Variants in CYP51A1 observed in about 807,000 individuals in gnomAD.
CYP51A1 encodes lanosterol 14-alpha demethylase.
In CYP51A1, 45 loss-of-function variants were observed where a neutral mutation model predicts 53.5. The observed-to-expected ratio is 0.84, with a 90% CI of 0.66 to 1.08. The LOEUF (loss-of-function observed/expected upper bound fraction) is 1.08, where lower values mean the gene tolerates loss of function less well. Among genes scored for constraint, CYP51A1 ranks in the 50% least tolerant of loss-of-function variants. The pLI is 0.00. For missense variants in CYP51A1, 462 were observed against 621.7 expected, an observed-to-expected ratio of 0.74 and a Z score of 2.73; for synonymous variants, 181 against 217.7, an observed-to-expected ratio of 0.83 and a Z score of 1.48.
Position 92,129,003 on chromosome 7 carries a change from C to A in CYP51A1, c.345G>T (p.Leu115=). ...AAAGCAGTGCAGCAGCATCACTCCC[C>A]AGAAGGTAAGTAAATGTCTTGCCTA... ...TMVGKTFTYL[L]GSDAAALLFN... Residue 115 remains leucine (L), a synonymous_variant, in exon 3 of 10, where the codon CTG becomes CTT. Coordinates refer to ENST00000003100, the MANE Select transcript of CYP51A1 (RefSeq NM_000786.4). The A allele has an allele frequency of 6.2e-7, 1 of 1,613,820 alleles. No individual in the cohort carries two copies. The highest frequency in any genetic ancestry group is 8.5e-7 in the Non-Finnish European group (1 of 1,179,882).
chr7:92,130,435 G>A (rs1819894367), intron 2 of CYP51A1, among the ~76,000 whole-genome samples: 1 of 152,164 alleles, frequency 6.6e-6, no homozygotes. Context: ...TCAGAAATCA[G>A]ACCATGTGTA....
chr7:92,124,551 C>T (rs1819756658), intron 5 of CYP51A1, among the ~76,000 whole-genome samples: 1 of 152,172 alleles, frequency 6.6e-6, no homozygotes, highest in South Asian at 2.1e-4. Context: ...CCCAAGCCCC[C>T]TCTTAAATCA....
chr7:92,129,098 T>A lies in CYP51A1; in HGVS notation c.292-42A>T, dbSNP rs772081969. On this transcript the variant is annotated intron_variant, in intron 2 of 9. Coordinates refer to ENST00000003100, the MANE Select transcript of CYP51A1 (RefSeq NM_000786.4). ...ACATATAGTGATGTTACAAAAAATA[T>A]GCAACACTACGACAGTAACTTTTTA... The A allele has an allele frequency of 2.6e-5, 35 of 1,347,848 alleles. No homozygotes were observed. The Middle Eastern group carries it at 7.4e-4, about 29-fold the overall frequency. 83.5% of individuals were successfully genotyped at this position (1,347,848 alleles called of 1,614,324 possible). A position where few individuals can be genotyped will look rare whatever the true frequency, so the allele number is the denominator to read the frequency against.
chr7:92,127,687 T>C (rs1819829061), intron 3 of CYP51A1, 56 bp from the exon 4 acceptor site: 1 of 1,561,860 alleles, frequency 6.4e-7, no homozygotes. Flanking sequence ...TGTTTTATCA[T>C]AAAATCCATT....
chr7:92,123,213 GA>G lies in CYP51A1; in HGVS notation c.992del (p.Phe331SerfsTer15), dbSNP rs1412594792. 3.1e-6 allele frequency: 5 copies of G among 1,614,036 alleles called. No individual in the cohort carries two copies. Among genetic ancestry groups the G allele is most frequent in the Non-Finnish European group, 4.2e-6 (5 of 1,179,960 alleles). On this transcript the variant is annotated frameshift_variant, in exon 7 of 10. Coordinates refer to ENST00000003100, the MANE Select transcript of CYP51A1 (RefSeq NM_000786.4). LOFTEE classifies it high-confidence loss of function. ...GAAGTGTTTTGTCTCTGGCCAAAAAGAAGCCCATCCAAGCACTAGTAGTTGA... is the reference window on the plus strand; with the variant it reads ...GAAGTGTTTTGTCTCTGGCCAAAAAGAGCCCATCCAAGCACTAGTAGTTGA... Reference protein sequence around the residue: ...TSSTTSAWMGFFLARDKTLQK... With the variant: ...TSSTTSAWMGXFLARDKTLQK...
At chr7:92,128,468 G>A (rs1423724436) in intron 3 of CYP51A1, among the ~76,000 whole-genome samples, 1 of 151,378 alleles carries the variant, frequency 6.6e-6, no homozygotes, top group Non-Finnish European at 1.5e-5. Flanking sequence ...GCGTGCGTGT[G>A]TGTGTGTGTG....
At chr7:92,132,148 G>A (rs1271135166) in intron 1 of CYP51A1, among the ~76,000 whole-genome samples, 1 of 152,160 alleles carries the variant, frequency 6.6e-6, no homozygotes, top group Non-Finnish European at 1.5e-5. Flanking sequence ...GATGGACACT[G>A]TCCAGAATAT....
rs1819510152 is a variant in CYP51A1 at position 92,113,476 on chromosome 7, A to G, written c.*189T>C. Reference sequence around the variant, plus strand: ...TGTATAAGTATCATAACTATTAGAAAATGTTTCAAATGCTATTATATTTGA... The same window carrying G: ...TGTATAAGTATCATAACTATTAGAAGATGTTTCAAATGCTATTATATTTGA... On this transcript the variant is annotated 3_prime_UTR_variant, in exon 10 of 10. Coordinates refer to ENST00000003100, the MANE Select transcript of CYP51A1 (RefSeq NM_000786.4). The G allele has an allele frequency of 1.8e-6, 1 of 548,796 alleles. No homozygotes were observed. The highest frequency in any genetic ancestry group is 3.1e-6 in the Non-Finnish European group (1 of 319,150). The allele number at this position is 548,796 out of a possible 1,614,324, so 34.0% of individuals were successfully genotyped here.
chr7:92,127,258 G>A (rs1819818787), intron 4 of CYP51A1, among the ~76,000 whole-genome samples: 1 of 152,142 alleles, frequency 6.6e-6, no homozygotes, highest in Non-Finnish European at 1.5e-5. Flanking sequence ...CTGCCCTGTG[G>A]GCAGATGTTG....
rs761876372 is a variant in CYP51A1 at position 92,123,176 on chromosome 7, A to G, written c.1030T>C (p.Tyr344His). Reference protein sequence around the residue: ...ARDKTLQKKCYLEQKTVCGEN... With the variant: ...ARDKTLQKKCHLEQKTVCGEN... Reference sequence around the variant, plus strand: ...CCACAGACTGTTTTCTGTTCTAAATAACATTTTTTTTGAAGTGTTTTGTCT... The same window carrying G: ...CCACAGACTGTTTTCTGTTCTAAATGACATTTTTTTTGAAGTGTTTTGTCT... The change falls in exon 7 of 10, where the codon TAT becomes CAT. Residue 344 changes from tyrosine to histidine, a missense_variant. Transcript: ENST00000003100. 7 of 1,613,842 alleles carry G rather than the reference A, an allele frequency of 4.3e-6. No homozygotes were observed. The African/African-American group carries it at 8.0e-5, about 18-fold the overall frequency.
chr7:92,131,953 T>C, intron 1 of CYP51A1, 81 bp from the exon 2 acceptor site: 1 of 835,190 alleles, frequency 1.2e-6, no homozygotes. Context: ...ACCAAACAAT[T>C]AAACAAAATA....
At chr7:92,121,495 A>G (rs1309015059) in intron 7 of CYP51A1, among the ~76,000 whole-genome samples, 1 of 152,170 alleles carries the variant, frequency 6.6e-6, no homozygotes, top group Non-Finnish European at 1.5e-5. Flanking sequence ...TTGAAAACAC[A>G]TGTCCACATA....
intron 1 of CYP51A1, among the ~76,000 whole-genome samples, chr7:92,132,404 A>G (rs188064251): frequency 2.1e-4 from 32 of 152,334 alleles, no homozygotes; most frequent in Admixed American, 2.1e-3. Flanking sequence ...AATACAATGT[A>G]AAGGCTATAT....
rs139239552 is a variant in CYP51A1, at chr7:92,127,589, T to C, written c.511A>G (p.Ile171Val). The change falls in exon 4 of 10, where the codon ATA becomes GTA. Residue 171 changes from isoleucine (I) to valine (V), a missense_variant. Ile to Val is a conservative substitution (Grantham distance 29). Coordinates refer to ENST00000003100, the MANE Select transcript of CYP51A1 (RefSeq NM_000786.4). Reference protein sequence around the residue: ...QKKMLKSGLNIAHFKQHVSII... With the variant: ...QKKMLKSGLNVAHFKQHVSII... The stretch of plus-strand genomic sequence containing the variant: ...GAAACATGCTGTTTAAAGTGGGCTA[T>C]GTTAAGGCCACTTTTTAACATTTTC... 1.5e-5 allele frequency: 25 copies of C among 1,613,398 alleles called. No individual in the cohort carries two copies. The highest frequency in any genetic ancestry group is 2.1e-5 in the Non-Finnish European group (25 of 1,179,646).
intron 2 of CYP51A1, among the ~76,000 whole-genome samples, chr7:92,131,554 G>A (rs1010968146): frequency 6.6e-6 from 1 of 152,156 alleles, no homozygotes; most frequent in Admixed American, 6.5e-5. Context: ...TTTCCTCAAT[G>A]GTGTCTCAAA....
chr7:92,132,059 A>G, intron 1 of CYP51A1, 187 bp from the exon 2 acceptor site: 1 of 452,824 alleles, frequency 2.2e-6, no homozygotes, highest in South Asian at 2.2e-5. Context: ...GAGAGTAGCT[A>G]TTGTAGAAAA....
intron 2 of CYP51A1, among the ~76,000 whole-genome samples, chr7:92,129,623 C>A (rs557277613): frequency 2.0e-5 from 3 of 152,176 alleles, no homozygotes; most frequent in Non-Finnish European, 2.9e-5. Context: ...CTTTCCCTTG[C>A]AGTTTTCTGG....
In CYP51A1 at chr7:92,112,804, G is replaced by A. The variant is rs1332018629; in HGVS notation, c.*861C>T. ...AGATCGCACCACTGCACTCCAGCCT[G>A]GGCAACAGAGCGAGACTCCATCTCA... On this transcript the variant is annotated 3_prime_UTR_variant, in exon 10 of 10. Coordinates refer to ENST00000003100, the MANE Select transcript of CYP51A1 (RefSeq NM_000786.4). 2.7e-5 allele frequency: 4 copies of A among 149,542 alleles called. No individual in the cohort carries two copies. The East Asian group carries it at 5.9e-4, about 22-fold the overall frequency. 9.3% of individuals were successfully genotyped at this position (149,542 alleles called of 1,614,324 possible).
At chr7:92,128,115 C>T (rs1034536441) in intron 3 of CYP51A1, among the ~76,000 whole-genome samples, 2 of 152,206 alleles carry the variant, frequency 1.3e-5, no homozygotes, top group African/African-American at 2.4e-5. Context: ...AAGAGGACTT[C>T]TGAAGTCAGC....
Sources: gnomAD v4.1 joint callset for allele counts (sites outside exome capture counted in the v4.1 genomes callset) on GRCh38, gnomAD v4.1.1 for gene constraint, MANE v1.5 for transcripts, NCBI Gene and HGNC (gene_info 2026-07-23, HGNC 2026-07-21) for gene names.